HDAC7: variants seen among roughly 807,000 people sequenced by gnomAD.
HDAC7 encodes the protein histone deacetylase 7.
Under a neutral mutation model 115.5 loss-of-function variants are expected in HDAC7, and 26 were observed. The observed-to-expected ratio is 0.23, with a 90% CI of 0.16 to 0.31. The LOEUF (loss-of-function observed/expected upper bound fraction) is 0.31. Ranked by LOEUF, HDAC7 falls within the 10% of genes least tolerant of loss-of-function variation. The pLI, the probability that HDAC7 is intolerant of heterozygous loss-of-function variation, is 1.00. For missense variants in HDAC7, 1,068 were observed against 1,329.0 expected (o/e 0.80, Z 3.05); for synonymous variants, 564 against 550.9 (o/e 1.02, Z -0.33).
intron 1 of HDAC7, among the ~76,000 whole-genome samples, chr12:47,818,760 G>A (rs1052494776): frequency 2.6e-5 from 4 of 152,354 alleles, no homozygotes; most frequent in Middle Eastern, 6.8e-3. Context: ...TTGGCAGCGA[G>A]ACAGCCAGTG....
intron 16 of HDAC7, chr12:47,790,134 C>A: frequency 1.7e-6 from 1 of 578,124 alleles, no homozygotes; most frequent in East Asian, 2.9e-5. Flanking sequence ...AGCACCAGCC[C>A]ATTATCTGGC....
rs551582820 is a variant in HDAC7, at chr12:47,807,191, C to T, written c.20-4917G>A. Among the ~76,000 whole-genome samples the T allele has an allele frequency of 9.1e-4, 139 of 152,258 alleles. 1 individual carries two copies. The highest frequency in any genetic ancestry group is 1.9e-3 in the South Asian group (9 of 4,818). ...CTGTCCTCAGGTGATTTGCCTGCCT[C>T]GGCTTCCCAAAGTGTTAGGATTACA... On this transcript the variant is annotated intron_variant, in intron 1 of 25. Coordinates refer to ENST00000080059, the MANE Select transcript of HDAC7 (RefSeq NM_015401.5).
intron 18 of HDAC7, 23 bp from the exon 19 acceptor site, chr12:47,789,371 C>T: frequency 6.2e-7 from 1 of 1,606,560 alleles, no homozygotes; most frequent in Non-Finnish European, 8.5e-7. Flanking sequence ...ACAGGTCCTG[C>T]CAGCCCATTC....
rs139966547 is a variant in HDAC7, at chr12:47,791,960, C to T, written c.1723G>A (p.Gly575Ser). ...SVMLKHQCSC[G>S]DNSRHPEHAG... ...TGCTCCGGGTGCCTGCTGTTGTCAC[C>T]GCAGGAGCACTGGTGCTTCAGCATG... Residue 575 changes from glycine (G) to serine (S), a missense_variant, in exon 14 of 26, where the codon GGT becomes AGT. Gly to Ser is a moderately conservative substitution (Grantham distance 56). This residue lies in a region of HDAC7 where 618 missense variants were observed against 701.5 expected (regional missense o/e 0.88). Coordinates refer to ENST00000080059, the MANE Select transcript of HDAC7 (RefSeq NM_015401.5). 1.2e-4 allele frequency: 193 copies of T among 1,611,190 alleles called. No homozygotes were observed. The highest frequency in any genetic ancestry group is 1.5e-4 in the Non-Finnish European group (179 of 1,179,056).
At chr12:47,789,494 A>T (rs751193453) in intron 18 of HDAC7, 29 bp downstream of exon 18, 1 of 1,612,398 alleles carries the variant, frequency 6.2e-7, no homozygotes, top group Non-Finnish European at 8.5e-7. Flanking sequence ...CCCCCACCTC[A>T]TCCCACCCAG....
At chr12:47,791,801 G>GCCCCCCCCCCCCCCCCCCCCCCC in intron 14 of HDAC7, 70 bp downstream of exon 14, 1 of 1,511,064 alleles carries the variant, frequency 6.6e-7, no homozygotes, top group Non-Finnish European at 9.0e-7. Context: ...GGGCCCCAGG[G>GCCCCCCCCCCCCCCCCCCCCCCC]CCCCCCACCC....
chr12:47,804,211 T>C (rs1944290087), intron 1 of HDAC7, among the ~76,000 whole-genome samples: 1 of 152,206 alleles, frequency 6.6e-6, no homozygotes, highest in Non-Finnish European at 1.5e-5. Context: ...GCTGTGTGCA[T>C]GTGTGCATGC....
rs747647941 is a variant in HDAC7 at position 47,788,146 on chromosome 12, C to T, written c.2254G>A (p.Gly752Ser). 4 of 1,611,508 alleles carry T rather than the reference C, an allele frequency of 2.5e-6. No individual in the cohort carries two copies. Among genetic ancestry groups the T allele is most frequent in the East Asian group, 2.2e-5 (1 of 44,868 alleles). ...TCTTGGTAGAAGGTTTGCTGGGTGC[C>T]GTTGCCATGGTGCACGTCCTGTGTA... ...IVDWDVHHGN[G>S]TQQTFYQDPS... The change falls in exon 20 of 26, where the codon GGC becomes AGC. Residue 752 changes from glycine (G) to serine (S), a missense_variant. Transcript: ENST00000080059.
At chr12:47,784,505 C>G (rs1282226389) in intron 24 of HDAC7, 2 of 606,106 alleles carry the variant, frequency 3.3e-6, no homozygotes, top group African/African-American at 1.9e-5. Context: ...TGACTCATTC[C>G]CCACAGGTGC....
Position 47,789,359 on chromosome 12 carries a change from A to G in HDAC7, c.2148-11T>C. The G allele has an allele frequency of 1.2e-6, 2 of 1,611,510 alleles. No individual in the cohort carries two copies. The highest frequency in any genetic ancestry group is 1.7e-6 in the Non-Finnish European group (2 of 1,177,860). Reference sequence around the variant, plus strand: ...AAGAAGCAGAAGCCCCTGGAAGGAGAGACAGGTCCTGCCAGCCCATTCTCT... The same window carrying G: ...AAGAAGCAGAAGCCCCTGGAAGGAGGGACAGGTCCTGCCAGCCCATTCTCT... On this transcript the variant is annotated splice_polypyrimidine_tract_variant and intron_variant, in intron 18 of 25. Transcript: ENST00000080059.
intron 7 of HDAC7, 128 bp from the exon 8 acceptor site, chr12:47,796,426 C>CTTT (rs35550737): frequency 0.028 from 12,722 of 456,696 alleles, 24 homozygotes; most frequent in Non-Finnish European, 0.034. Flanking sequence ...TTCCTGCTTT[C>CTTT]TTTTTTTTTT....
upstream of HDAC7, chr12:47,820,084 G>C (rs987884355): frequency 6.6e-6 from 1 of 151,364 alleles, no homozygotes. This position sits in a 1 kb window ranked among gnomAD's most constrained non-coding sequence, Gnocchi z 4.3. Context: ...GCACAGGCGG[G>C]CCGCAGACAC....
rs1943655116 is a variant in HDAC7 at position 47,793,641 on chromosome 12, T to A, written c.1459-53A>T. On this transcript the variant is annotated intron_variant, in intron 12 of 25. Coordinates refer to ENST00000080059, the MANE Select transcript of HDAC7 (RefSeq NM_015401.5). The surrounding 1 kb of genome is among the most constrained non-coding windows in gnomAD (Gnocchi z 4.5). The stretch of plus-strand genomic sequence containing the variant: ...CAGTGTTTCAGGGTCCTGCTCCCTC[T>A]ACTTCTGCCTGAGGTCTTGGGAACT... The A allele has an allele frequency of 7.3e-7, 1 of 1,378,914 alleles. No individual in the cohort carries two copies. Among genetic ancestry groups the A allele is most frequent in the African/African-American group, 1.4e-5 (1 of 69,360 alleles). The allele number at this position is 1,378,914 out of a possible 1,614,324, so 85.4% of individuals were successfully genotyped here. A position where few individuals can be genotyped will look rare whatever the true frequency, so the allele number is the denominator to read the frequency against.
At position 47,796,016 on chromosome 12, in the gene HDAC7, C is replaced by A. The variant is rs773770396; in HGVS notation, c.796G>T (p.Ala266Ser). ...HGPNPILGSE[A>S]LLGQRLRLQE... ...AGCCGCAGCCGCTGGCCCAAGAGCG[C>A]CTGCCATAGGGAGCAGGGCGAGGGT... The change falls in exon 9 of 26, where the codon GCG (alanine) becomes TCG (serine). Residue 266 changes from alanine to serine, a missense_variant and splice_region_variant. By Grantham distance (99) the Ala-to-Ser change is moderately conservative. Coordinates refer to ENST00000080059, the MANE Select transcript of HDAC7 (RefSeq NM_015401.5). 2.6e-6 allele frequency: 4 copies of A among 1,549,648 alleles called. No homozygotes were observed. The highest frequency in any genetic ancestry group is 2.0e-5 in the Admixed American group (1 of 50,964).
At chr12:47,813,744 G>C (rs972699432) in intron 1 of HDAC7, among the ~76,000 whole-genome samples, 1 of 152,214 alleles carries the variant, frequency 6.6e-6, no homozygotes, top group Non-Finnish European at 1.5e-5. Context: ...CCTGGGAGTC[G>C]GGAAGAGCAC....
chr12:47,818,920 A>G (rs1166983762), intron 1 of HDAC7, among the ~76,000 whole-genome samples: 1 of 152,186 alleles, frequency 6.6e-6, no homozygotes, highest in Non-Finnish European at 1.5e-5. Context: ...CGGGCCCCAG[A>G]GGGCTCTCTC....
Position 47,795,991 on chromosome 12 carries a change from A to G in HDAC7, c.821T>C (p.Leu274Pro), listed in dbSNP as rs1592658030. The change falls in exon 9 of 26, where the codon CTG (leucine) becomes CCG (proline). Residue 274 changes from leucine to proline, a missense_variant. This residue lies in a region of HDAC7 where 618 missense variants were observed against 701.5 expected (regional missense o/e 0.88). Transcript: ENST00000080059. The surrounding 1 kb of genome is among the most constrained non-coding windows in gnomAD (Gnocchi z 4.3). ...GAACGGGGCCACAGAAGTCTCCTGC[A>G]GCCGCAGCCGCTGGCCCAAGAGCGC... ...SEALLGQRLR[L>P]QETSVAPFAL... The G allele has an allele frequency of 1.3e-6, 2 of 1,549,496 alleles. No homozygotes were observed. Among genetic ancestry groups the G allele is most frequent in the East Asian group, 2.4e-5 (1 of 40,902 alleles).
At chr12:47,784,556 A>T in intron 24 of HDAC7, 3 of 650,858 alleles carry the variant, frequency 4.6e-6, no homozygotes, top group Non-Finnish European at 7.8e-6. Context: ...TTGCCTGCAG[A>T]CAGGGTCTGT....
chr12:47,789,477 G>C lies in HDAC7; in HGVS notation c.2147+46C>G, dbSNP rs1478447192. The C allele has an allele frequency of 5.6e-6, 9 of 1,604,658 alleles. 1 individual carries two copies. The South Asian group carries it at 8.8e-5, about 16-fold the overall frequency. ...AATGTCCCTGAAGGAAGTTCCTGGG[G>C]GCTTGCCCCCCACCTCATCCCACCC... On this transcript the variant is annotated intron_variant, in intron 18 of 25. Transcript: ENST00000080059.
Sources: allele counts gnomAD v4.1 joint callset (sites outside exome capture counted in the v4.1 genomes callset), GRCh38; gene constraint gnomAD v4.1.1; regional missense constraint gnomAD v4.1.1; non-coding constraint Gnocchi (gnomAD v3.1); transcripts MANE v1.5; gene names NCBI Gene and HGNC (gene_info 2026-07-23, HGNC 2026-07-21).